Variants in OSTN observed in about 807,000 individuals in gnomAD.
OSTN encodes osteocrin.
In OSTN, 9 loss-of-function variants were observed where a neutral mutation model predicts 12.0. That is an observed-to-expected ratio of 0.75 (90% CI 0.45 to 1.30). OSTN has a LOEUF of 1.30. Among genes scored for constraint, OSTN ranks in the 50% most tolerant of loss-of-function variants. The pLI is 0.00. For synonymous variants in OSTN, 59 were observed against 56.9 expected (o/e 1.04, Z -0.16); for missense variants, 148 against 152.3 (o/e 0.97, Z 0.15).
intron 1 of OSTN, among the ~76,000 whole-genome samples, chr3:191,199,789 T>TCTG (rs373040147): frequency 1.4e-3 from 214 of 152,170 alleles, no homozygotes; most frequent in African/African-American, 5.0e-3. Context: ...GCATCTTCTG[T>TCTG]TTTTCTCCTT....
chr3:191,215,163 T>A (rs554742039), intron 2 of OSTN, among the ~76,000 whole-genome samples: 2 of 152,270 alleles, frequency 1.3e-5, no homozygotes, highest in South Asian at 4.1e-4. Context: ...CTTCACAAGG[T>A]GGCGGGAAGG....
chr3:191,234,141 CTT>C (rs1277124401), intron 3 of OSTN, among the ~76,000 whole-genome samples: 3 of 152,150 alleles, frequency 2.0e-5, no homozygotes, highest in Admixed American at 1.3e-4. Flanking sequence ...TTGTACAACT[CTT>C]ATTGCTTTAA....
intron 2 of OSTN, among the ~76,000 whole-genome samples, chr3:191,217,904 T>TA (rs201534454): frequency 0.032 from 4,693 of 146,182 alleles, 219 homozygotes; most frequent in East Asian, 0.23. Context: ...GAATGAATGG[T>TA]AAAAAAAAAA....
intron 3 of OSTN, 113 bp from the exon 4 acceptor site, chr3:191,249,924 A>G (rs1715521679): frequency 1.4e-6 from 1 of 731,750 alleles, no homozygotes; most frequent in Non-Finnish European, 2.4e-6. Context: ...GGGAACTATC[A>G]TGTTTATTCC....
intron 3 of OSTN, among the ~76,000 whole-genome samples, chr3:191,227,238 G>A (rs1714935956): frequency 6.6e-6 from 1 of 152,094 alleles, no homozygotes; most frequent in African/African-American, 2.4e-5. Context: ...GTGAAAAGAT[G>A]CATAACATTC....
intron 3 of OSTN, among the ~76,000 whole-genome samples, chr3:191,245,414 T>C (rs1423637435): frequency 6.6e-6 from 1 of 152,166 alleles, no homozygotes. Flanking sequence ...TATCTGAATT[T>C]TATCAAAAAG....
chr3:191,212,264 T>C (rs1288611316), intron 1 of OSTN, among the ~76,000 whole-genome samples: 1 of 152,206 alleles, frequency 6.6e-6, no homozygotes, highest in East Asian at 1.9e-4. Flanking sequence ...GCATTTCTCA[T>C]ATTGTGGGTC....
chr3:191,246,091 A>C (rs1258423314), intron 3 of OSTN, among the ~76,000 whole-genome samples: 1 of 139,982 alleles, frequency 7.1e-6, no homozygotes, highest in Non-Finnish European at 1.6e-5. Context: ...AAAAAAAAAA[A>C]AGAGTAAACG....
intron 4 of OSTN, among the ~76,000 whole-genome samples, chr3:191,260,764 C>T (rs1262705161): frequency 6.6e-6 from 1 of 152,142 alleles, no homozygotes; most frequent in Non-Finnish European, 1.5e-5. Flanking sequence ...ATGTCAAGCT[C>T]TCCAGGACAT....
chr3:191,202,892 T>C (rs951914730), intron 1 of OSTN, among the ~76,000 whole-genome samples: 6 of 152,214 alleles, frequency 3.9e-5, no homozygotes, highest in African/African-American at 1.2e-4. Flanking sequence ...TATTTTCTAT[T>C]TTTAGGTAAC....
chr3:191,257,708 A>G (rs1337600347), intron 4 of OSTN, among the ~76,000 whole-genome samples: 1 of 152,230 alleles, frequency 6.6e-6, no homozygotes, highest in Non-Finnish European at 1.5e-5. Flanking sequence ...TCAGACAAAA[A>G]TGTCTACATT....
rs1358510000 is a variant in OSTN at position 191,264,218 on chromosome 3, G to T, written c.*1365G>T. The stretch of plus-strand genomic sequence containing the variant: ...AATTAATGGACTTGTATGATCCAAA[G>T]AATAAAATAAACTCAAAGAAACATA... On this transcript the variant is annotated 3_prime_UTR_variant, in exon 5 of 5. Transcript: ENST00000682035. 6.6e-6 allele frequency: 1 copy of T among 151,800 alleles called. No individual in the cohort carries two copies. The highest frequency in any genetic ancestry group is 2.4e-5 in the African/African-American group (1 of 41,328). The allele number at this position is 151,800 out of a possible 1,614,324, so 9.4% of individuals were successfully genotyped here.
intron 3 of OSTN, among the ~76,000 whole-genome samples, chr3:191,230,367 C>A (rs1715021089): frequency 6.6e-6 from 1 of 150,628 alleles, no homozygotes; most frequent in Admixed American, 6.6e-5. Context: ...AGATCGAGAC[C>A]ATTCTGGTCA....
At chr3:191,212,045 A>C (rs1358657968) in intron 1 of OSTN, among the ~76,000 whole-genome samples, 1 of 151,928 alleles carries the variant, frequency 6.6e-6, no homozygotes, top group Admixed American at 6.6e-5. Context: ...CTGACATGAC[A>C]CAAGGACATA....
intron 4 of OSTN, among the ~76,000 whole-genome samples, chr3:191,262,240 A>G (rs2108558894): frequency 6.6e-6 from 1 of 152,316 alleles, no homozygotes; most frequent in Non-Finnish European, 1.5e-5. Context: ...AAACGTGACC[A>G]TTAATTGTGC....
intron 3 of OSTN, among the ~76,000 whole-genome samples, chr3:191,226,136 A>G (rs1469083528): frequency 6.6e-6 from 1 of 152,204 alleles, no homozygotes; most frequent in African/African-American, 2.4e-5. Flanking sequence ...CAAAAGTCAT[A>G]GATAAAATGT....
chr3:191,243,505 CATA>C (rs1199140550), intron 3 of OSTN, among the ~76,000 whole-genome samples: 1 of 151,914 alleles, frequency 6.6e-6, no homozygotes, highest in Admixed American at 6.6e-5. Flanking sequence ...TCTCAAAACA[CATA>C]ATATTTGCTG....
chr3:191,208,431 A>G (rs1052467805), intron 1 of OSTN, among the ~76,000 whole-genome samples: 1 of 152,230 alleles, frequency 6.6e-6, no homozygotes, highest in Non-Finnish European at 1.5e-5. Flanking sequence ...TTAGTGTACC[A>G]AATGCCACAT....
intron 3 of OSTN, among the ~76,000 whole-genome samples, chr3:191,227,721 G>A (rs1481089133): frequency 6.6e-6 from 1 of 152,138 alleles, no homozygotes; most frequent in Admixed American, 6.5e-5. Flanking sequence ...AGTGAAAAGT[G>A]GTGTTGACAG....
Sources: allele counts gnomAD v4.1 joint callset (sites outside exome capture counted in the v4.1 genomes callset), GRCh38; gene constraint gnomAD v4.1.1; transcripts MANE v1.5; gene names NCBI Gene and HGNC (gene_info 2026-07-23, HGNC 2026-07-21).